Variants in SNRPB2 observed in about 807,000 individuals in gnomAD.
SNRPB2 encodes small nuclear ribonucleoprotein polypeptide B2.
In SNRPB2, 16 loss-of-function variants were observed where a neutral mutation model predicts 26.3. The ratio of observed to expected loss-of-function variants is 0.61; its 90% confidence interval spans 0.41 to 0.92. The LOEUF (loss-of-function observed/expected upper bound fraction) is 0.92. SNRPB2 is among the 40% of genes least tolerant of loss of function. The pLI is 0.00. For synonymous variants in SNRPB2, 75 were observed against 89.0 expected (o/e 0.84, Z 0.88); for missense variants, 179 against 268.1 (o/e 0.67, Z 2.32).
At chr20:16,740,767 G>T in intron 6 of SNRPB2, 79 bp from the exon 7 acceptor site, 1 of 1,068,658 alleles carries the variant, frequency 9.4e-7, no homozygotes, top group South Asian at 1.5e-5. Flanking sequence ...CTAGTATTAG[G>T]AAGTTGCTTA....
chr20:16,733,551 T>A (rs1174761203), intron 3 of SNRPB2, among the ~76,000 whole-genome samples: 2 of 152,248 alleles, frequency 1.3e-5, no homozygotes, highest in African/African-American at 4.8e-5. Context: ...ATTGTGATTT[T>A]TTTTCTGCAT....
At chr20:16,731,176 G>C (rs1037078557) in intron 1 of SNRPB2, among the ~76,000 whole-genome samples, 3 of 152,212 alleles carry the variant, frequency 2.0e-5, no homozygotes, top group African/African-American at 7.2e-5. Flanking sequence ...AAGTCGGTTA[G>C]AGATAACCTT....
At chr20:16,740,491 T>G (rs1404101095) in intron 6 of SNRPB2, 78 bp downstream of exon 6, 3 of 1,572,522 alleles carry the variant, frequency 1.9e-6, no homozygotes, top group South Asian at 1.2e-5. Flanking sequence ...TTGAATCCAT[T>G]TATCACACAG....
rs574605563 is a variant in SNRPB2 at position 16,737,144 on chromosome 20, A to G, written c.238-117A>G. 318 of 720,612 alleles carry G rather than the reference A, an allele frequency of 4.4e-4. 1 individual carries two copies. Among genetic ancestry groups the G allele is most frequent in the Non-Finnish European group, 6.2e-4 (289 of 468,430 alleles). 44.6% of individuals were successfully genotyped at this position (720,612 alleles called of 1,614,324 possible). A position where few individuals can be genotyped will look rare whatever the true frequency, so the allele number is the denominator to read the frequency against. On this transcript the variant is annotated intron_variant, in intron 3 of 6. Coordinates refer to ENST00000246071, the MANE Select transcript of SNRPB2 (RefSeq NM_003092.5). ...TCAGTATATTCTGACAGATTTTCTT[A>G]GGGATATGTTTAAAATTAGCTTGTA...
intron 3 of SNRPB2, among the ~76,000 whole-genome samples, chr20:16,733,103 A>G (rs929689044): frequency 6.6e-6 from 1 of 152,186 alleles, no homozygotes; most frequent in Non-Finnish European, 1.5e-5. Flanking sequence ...TGTTGGACAG[A>G]GAGCCAAGGG....
At chr20:16,737,078 A>G (rs2072430872) in intron 3 of SNRPB2, among the ~76,000 whole-genome samples, 183 bp from the exon 4 acceptor site, 1 of 152,210 alleles carries the variant, frequency 6.6e-6, no homozygotes, top group Non-Finnish European at 1.5e-5. Context: ...AACTTTGTCT[A>G]AATTATGAAT....
chr20:16,734,515 G>A (rs1483843705), intron 3 of SNRPB2, among the ~76,000 whole-genome samples: 2 of 152,182 alleles, frequency 1.3e-5, no homozygotes, highest in South Asian at 4.1e-4. Flanking sequence ...GAAAACTTTG[G>A]CATAAGTGTA....
chr20:16,735,298 A>AAGTAATTTATACAGATTACTACAAAGT (rs1555818090), intron 3 of SNRPB2, among the ~76,000 whole-genome samples: 5 of 149,662 alleles, frequency 3.3e-5, no homozygotes, highest in Non-Finnish European at 7.4e-5. Flanking sequence ...ATTGTATACA[A>AAGTAATTTATACAGATTACTACAAAGT]AGTAATTTGT....
chr20:16,735,153 A>G lies in SNRPB2; in HGVS notation c.238-2108A>G, dbSNP rs140513309. ...CAGTGTAGTCATCTCTAGCTGAAGT[A>G]AAGGAAGAGGAAGAACTGATCTTGG... On this transcript the variant is annotated intron_variant, in intron 3 of 6. Transcript: ENST00000246071. Among the ~76,000 whole-genome samples, 21 of 152,270 alleles carry G rather than the reference A, an allele frequency of 1.4e-4. No homozygotes were observed. The East Asian group carries it at 4.1e-3, about 29-fold the overall frequency.
chr20:16,740,845 G>A lies in SNRPB2; in HGVS notation c.519-1G>A. On this transcript the variant is annotated splice_acceptor_variant, in intron 6 of 6. Coordinates refer to ENST00000246071, the MANE Select transcript of SNRPB2 (RefSeq NM_003092.5). LOFTEE classifies it high-confidence loss of function. ...ACATGAATTGTTTTTCTTCTTTATA[G>A]GTTCCCTGGCTTCAAGGAAGTACGT... 6.2e-7 allele frequency: 1 copy of A among 1,606,752 alleles called. No homozygotes were observed. The highest frequency in any genetic ancestry group is 8.5e-7 in the Non-Finnish European group (1 of 1,174,488).
At chr20:16,740,598 A>C (rs570515655) in intron 6 of SNRPB2, among the ~76,000 whole-genome samples, 185 bp downstream of exon 6, 248 of 152,296 alleles carry the variant, frequency 1.6e-3, no homozygotes, top group Non-Finnish European at 3.0e-3. Context: ...ATTTCCTCTA[A>C]TGTTTGAATT....
Position 16,739,971 on chromosome 20 carries a change from A to G in SNRPB2, c.430-354A>G, listed in dbSNP as rs946829391. 5.3e-5 allele frequency among the ~76,000 whole-genome samples: 8 copies of G among 149,636 alleles called. 1 individual carries two copies. Among genetic ancestry groups the G allele is most frequent in the African/African-American group, 2.5e-5 (1 of 40,552 alleles). Reference sequence around the variant, plus strand: ...TACAGAGGAATTGAGTATCTGAGTGATACTGAGTGTGGTAACCAGCTACGG... The same window carrying G: ...TACAGAGGAATTGAGTATCTGAGTGGTACTGAGTGTGGTAACCAGCTACGG... On this transcript the variant is annotated intron_variant, in intron 5 of 6. Transcript: ENST00000246071.
chr20:16,734,850 A>G (rs2122501138), intron 3 of SNRPB2, among the ~76,000 whole-genome samples: 2 of 152,364 alleles, frequency 1.3e-5, no homozygotes, highest in East Asian at 3.9e-4. Context: ...TGACTAGGTC[A>G]TAAGGACAGA....
Position 16,732,210 on chromosome 20 carries a change from G to T in SNRPB2, c.111G>T (p.Val37=), listed in dbSNP as rs776191717. 21 of 1,605,298 alleles carry T rather than the reference G, an allele frequency of 1.3e-5. 1 individual carries two copies. In the South Asian group the frequency reaches 2.3e-4, roughly 18 times the overall value. Residue 37 remains valine, a synonymous_variant, in exon 3 of 7, where the codon GTG becomes GTT. Transcript: ENST00000246071. The part of the protein sequence containing the change: ...LYALFSQFGH[V]VDIVALKTMK... ...CCCTGTTTTCTCAGTTTGGTCATGT[G>T]GTGGACATTGTGGCTTTAAAGACCA... is the stretch of plus-strand genomic sequence containing the variant.
chr20:16,734,668 G>A (rs1013755880), intron 3 of SNRPB2, among the ~76,000 whole-genome samples: 2 of 152,122 alleles, frequency 1.3e-5, no homozygotes, highest in South Asian at 2.1e-4. Context: ...TCATTACCCC[G>A]TGTTTAACAG....
chr20:16,731,980 G>A (rs1225826994), intron 2 of SNRPB2, among the ~76,000 whole-genome samples, 184 bp from the exon 3 acceptor site: 1 of 151,908 alleles, frequency 6.6e-6, no homozygotes, highest in East Asian at 1.9e-4. Context: ...AGATATAATG[G>A]TTTCATATAA....
Position 16,741,608 on chromosome 20 carries a change from T to C in SNRPB2, c.*603T>C, listed in dbSNP as rs553225590. The stretch of plus-strand genomic sequence containing the variant: ...TACTGAGAAAACAGAAAGGGAATGC[T>C]ATCTTCACACTTTGCATTTAATGCT... On this transcript the variant is annotated 3_prime_UTR_variant, in exon 7 of 7. Coordinates refer to ENST00000246071, the MANE Select transcript of SNRPB2 (RefSeq NM_003092.5). 6.6e-6 allele frequency: 1 copy of C among 152,370 alleles called. No individual in the cohort carries two copies. The highest frequency in any genetic ancestry group is 6.5e-5 in the Admixed American group (1 of 15,306). 9.4% of individuals were successfully genotyped at this position (152,370 alleles called of 1,614,324 possible). A position where few individuals can be genotyped will look rare whatever the true frequency, so the allele number is the denominator to read the frequency against.
rs1162053926 is a variant in SNRPB2 at position 16,741,661 on chromosome 20, A to G, written c.*656A>G. On this transcript the variant is annotated 3_prime_UTR_variant, in exon 7 of 7. Coordinates refer to ENST00000246071, the MANE Select transcript of SNRPB2 (RefSeq NM_003092.5). ...TTCCTTCATGAGGCAGGACTGTTCT[A>G]AGGTTAATATGCAATCTCTTTATTG... 6.6e-6 allele frequency: 1 copy of G among 152,158 alleles called. No individual in the cohort carries two copies. The highest frequency in any genetic ancestry group is 6.5e-5 in the Admixed American group (1 of 15,276). 9.4% of individuals were successfully genotyped at this position (152,158 alleles called of 1,614,324 possible).
intron 5 of SNRPB2, among the ~76,000 whole-genome samples, chr20:16,739,388 C>G (rs2122507144): frequency 6.6e-6 from 1 of 151,998 alleles, no homozygotes; most frequent in South Asian, 2.1e-4. Context: ...CCTCCTTGTA[C>G]AAATGTTTTA....
Sources: allele counts gnomAD v4.1 joint callset (sites outside exome capture counted in the v4.1 genomes callset), GRCh38; gene constraint gnomAD v4.1.1; transcripts MANE v1.5; gene names NCBI Gene and HGNC (gene_info 2026-07-23, HGNC 2026-07-21).